Variants in CIMAP2 observed in about 807,000 individuals in gnomAD.
CIMAP2 encodes ciliary microtubule-associated protein 2.
the CIMAP2 span, among the ~76,000 whole-genome samples, chr1:54,817,824 T>G: frequency 6.6e-5 from 10 of 152,222 alleles, no homozygotes; most frequent in African/African-American, 2.4e-4. Flanking sequence ...TTAAAGAATA[T>G]TTTATTTTTT....
chr1:54,812,313 C>G, the CIMAP2 span: 10 of 1,361,008 alleles, frequency 7.3e-6, no homozygotes, highest in African/African-American at 1.3e-4. Flanking sequence ...CACACCCCCT[C>G]ACTTCACCCT....
At chr1:54,841,997 G>A in the CIMAP2 span, 2 of 980,896 alleles carry the variant, frequency 2.0e-6, no homozygotes, top group Non-Finnish European at 3.1e-6. Context: ...GCTTGGGAGA[G>A]GGGAGAGATG....
chr1:54,828,639 T>C, the CIMAP2 span, among the ~76,000 whole-genome samples: 1 of 152,152 alleles, frequency 6.6e-6, no homozygotes, highest in Non-Finnish European at 1.5e-5. Context: ...CAAGATCCCA[T>C]TCTTTTCTTT....
At chr1:54,811,169 GGC>G in the CIMAP2 span, among the ~76,000 whole-genome samples, 1 of 152,220 alleles carries the variant, frequency 6.6e-6, no homozygotes, top group Non-Finnish European at 1.5e-5. Flanking sequence ...TCAGCTAGGA[GGC>G]AGCAGAGCCA....
chr1:54,814,936 G>A, the CIMAP2 span: 7 of 1,614,196 alleles, frequency 4.3e-6, no homozygotes, highest in African/African-American at 4.0e-5. Flanking sequence ...CCCAGTTTCT[G>A]GCTTCCACAA....
At chr1:54,811,773 G>GCTCCCCCCCCCCCCCCCCCCC in the CIMAP2 span, 1 of 1,325,052 alleles carries the variant, frequency 7.5e-7, no homozygotes, top group South Asian at 1.3e-5. Context: ...CAGCCTCCAT[G>GCTCCCCCCCCCCCCCCCCCCC]CCCCCACCCC....
the CIMAP2 span, chr1:54,841,938 G>A: frequency 6.8e-7 from 1 of 1,473,246 alleles, no homozygotes; most frequent in Admixed American, 2.0e-5. Flanking sequence ...AAATCTGGGG[G>A]TGACAGCATG....
chr1:54,832,362 T>C, the CIMAP2 span, among the ~76,000 whole-genome samples: 1 of 57,094 alleles, frequency 1.8e-5, no homozygotes, highest in Non-Finnish European at 3.3e-5. Flanking sequence ...AAATGTTAGT[T>C]AACAAGTTAA....
the CIMAP2 span, among the ~76,000 whole-genome samples, chr1:54,815,932 C>T: frequency 6.6e-6 from 1 of 151,594 alleles, no homozygotes; most frequent in East Asian, 1.9e-4. Flanking sequence ...CACATGGTGG[C>T]AAGGTCCTCA....
the CIMAP2 span, among the ~76,000 whole-genome samples, chr1:54,838,789 C>T: frequency 6.6e-6 from 1 of 152,128 alleles, no homozygotes; most frequent in Non-Finnish European, 1.5e-5. Context: ...CCCAGGCTTG[C>T]TCCTATGGAG....
At chr1:54,812,085 G>A in the CIMAP2 span, 35 of 1,614,160 alleles carry the variant, frequency 2.2e-5, no homozygotes, top group African/African-American at 2.5e-4. Flanking sequence ...CTTCAAAAGC[G>A]ACCTTGAGAC....
the CIMAP2 span, chr1:54,807,955 T>C: frequency 4.6e-5 from 74 of 1,608,950 alleles, no homozygotes; most frequent in East Asian, 1.4e-3. Flanking sequence ...GGAGAAACCA[T>C]GTAGCACCCG....
At chr1:54,836,997 G>A in the CIMAP2 span, among the ~76,000 whole-genome samples, 1 of 152,050 alleles carries the variant, frequency 6.6e-6, no homozygotes, top group African/African-American at 2.4e-5. Context: ...AATGCCACTT[G>A]GAAGATGTAA....
At chr1:54,835,878 G>A in the CIMAP2 span, among the ~76,000 whole-genome samples, 3 of 152,080 alleles carry the variant, frequency 2.0e-5, no homozygotes, top group African/African-American at 7.3e-5. Context: ...GAAGCTTTCT[G>A]GAAGATGAGA....
chr1:54,829,974 T>G, the CIMAP2 span, among the ~76,000 whole-genome samples: 2 of 152,262 alleles, frequency 1.3e-5, no homozygotes, highest in East Asian at 3.9e-4. Flanking sequence ...TCTGCATACC[T>G]GTCCAGCTCT....
chr1:54,808,990 G>GTTTAGCATCCCTCCCGCC, the CIMAP2 span, among the ~76,000 whole-genome samples: 2 of 147,038 alleles, frequency 1.4e-5, no homozygotes, highest in Non-Finnish European at 3.0e-5. Context: ...TCTTGTGTGT[G>GTTTAGCATCCCTCCCGCC]ACTGGACAGC....
chr1:54,817,152 G>C, the CIMAP2 span: 2 of 1,612,736 alleles, frequency 1.2e-6, no homozygotes, highest in South Asian at 2.2e-5. Context: ...CAGGCGAAGG[G>C]GCGAGGGCGG....
the CIMAP2 span, among the ~76,000 whole-genome samples, chr1:54,830,814 A>C: frequency 6.6e-6 from 1 of 152,040 alleles, no homozygotes; most frequent in African/African-American, 2.4e-5. This position sits in a 1 kb window ranked among gnomAD's most constrained non-coding sequence, Gnocchi z 4.1. Flanking sequence ...TTTACCATTT[A>C]CTGATTTGGA....
At chr1:54,836,396 G>A in the CIMAP2 span, among the ~76,000 whole-genome samples, 1 of 151,676 alleles carries the variant, frequency 6.6e-6, no homozygotes, top group African/African-American at 2.4e-5. Flanking sequence ...GTAGAGACTT[G>A]AGCATATTTC....
Sources: allele counts gnomAD v4.1 joint callset (sites outside exome capture counted in the v4.1 genomes callset), GRCh38; gene constraint gnomAD v4.1.1; non-coding constraint Gnocchi (gnomAD v3.1); transcripts MANE v1.5; gene names NCBI Gene and HGNC (gene_info 2026-07-23, HGNC 2026-07-21).